Variants in LIN7A observed in about 807,000 individuals in gnomAD.
LIN7A encodes the protein protein lin-7 homolog A.
LIN7A carries 25 observed loss-of-function variants against 29.8 expected under a neutral mutation model. The ratio of observed to expected loss-of-function variants is 0.84; its 90% CI spans 0.61 to 1.17. The LOEUF (loss-of-function observed/expected upper bound fraction) is 1.17, where lower values mean the gene tolerates loss of function less well. Ranked by LOEUF, LIN7A falls within the 50% of genes most tolerant of loss-of-function variation. The pLI is 0.00. For synonymous variants in LIN7A, 118 were observed against 107.5 expected (o/e 1.10, Z -0.60); for missense variants, 239 against 287.0 (o/e 0.83, Z 1.21).
At chr12:80,878,585 A>G (rs1017397213) in intron 2 of LIN7A, among the ~76,000 whole-genome samples, 2 of 152,196 alleles carry the variant, frequency 1.3e-5, no homozygotes, top group African/African-American at 4.8e-5. Flanking sequence ...AGAAAGAACA[A>G]TACTTCCACA....
intron 2 of LIN7A, among the ~76,000 whole-genome samples, chr12:80,866,648 G>A (rs954949166): frequency 6.6e-6 from 1 of 152,260 alleles, no homozygotes; most frequent in South Asian, 2.1e-4. Flanking sequence ...TGAGAGCTGG[G>A]CATTGAGACT....
At chr12:80,837,658 C>G (rs967736203) in intron 4 of LIN7A, among the ~76,000 whole-genome samples, 7 of 152,094 alleles carry the variant, frequency 4.6e-5, no homozygotes, top group Non-Finnish European at 1.0e-4. Context: ...GTTTAAAAAC[C>G]ACCGTGTGTG....
At chr12:80,841,188 G>A (rs922728620) in intron 4 of LIN7A, among the ~76,000 whole-genome samples, 25 of 152,058 alleles carry the variant, frequency 1.6e-4, no homozygotes, top group Non-Finnish European at 3.5e-4. Flanking sequence ...AGGATGGAAT[G>A]AGCACAATAG....
chr12:80,889,496 T>C (rs1044683272), intron 1 of LIN7A, 127 bp from the exon 2 acceptor site: 3 of 627,984 alleles, frequency 4.8e-6, no homozygotes, highest in Non-Finnish European at 8.4e-6. Flanking sequence ...AATCAGAACT[T>C]ATATTCATAG....
rs551402608 is a variant in LIN7A, at chr12:80,884,235, G to A, written c.201+5016C>T. Among the ~76,000 whole-genome samples, 89 of 152,208 alleles carry A rather than the reference G, an allele frequency of 5.8e-4. 1 individual carries two copies. The highest frequency in any genetic ancestry group is 1.9e-3 in the African/African-American group (80 of 41,554). ...TAGTTTTAAAACATTTTGTTTTACAGCAATTAAAGGATTGATACTGCTTAT... is the reference window on the plus strand; with the variant it reads ...TAGTTTTAAAACATTTTGTTTTACAACAATTAAAGGATTGATACTGCTTAT... On this transcript the variant is annotated intron_variant, in intron 2 of 5. Transcript: ENST00000552864.
intron 2 of LIN7A, among the ~76,000 whole-genome samples, chr12:80,849,995 C>A (rs1180214276): frequency 6.6e-6 from 1 of 152,150 alleles, no homozygotes; most frequent in African/African-American, 2.4e-5. Context: ...TGAAGACAAT[C>A]ATTTAGCAAA....
intron 1 of LIN7A, among the ~76,000 whole-genome samples, chr12:80,890,913 A>G (rs1182806683): frequency 1.3e-5 from 2 of 152,126 alleles, no homozygotes; most frequent in Non-Finnish European, 2.9e-5. Flanking sequence ...AACAACAGAG[A>G]CAAAAATTCT....
chr12:80,859,333 T>C lies in LIN7A; in HGVS notation c.202-11011A>G, dbSNP rs187432695. Among the ~76,000 whole-genome samples, 222 of 152,260 alleles carry C rather than the reference T, an allele frequency of 1.5e-3. 1 individual carries two copies. The highest frequency in any genetic ancestry group is 3.1e-3 in the Admixed American group (48 of 15,282). ...CAGTTTGATGTCATGGTAAAAGATG[T>C]GGGTGGGTTAATAAGTTTGATTTCA... On this transcript the variant is annotated intron_variant, in intron 2 of 5. Transcript: ENST00000552864.
At chr12:80,851,145 G>A (rs1014507435) in intron 2 of LIN7A, among the ~76,000 whole-genome samples, 3 of 152,086 alleles carry the variant, frequency 2.0e-5, no homozygotes, top group Non-Finnish European at 2.9e-5. Context: ...ACAAAAACTT[G>A]CAGGTGTTAT....
chr12:80,871,290 G>A (rs1874415879), intron 2 of LIN7A, among the ~76,000 whole-genome samples: 2 of 152,128 alleles, frequency 1.3e-5, no homozygotes, highest in South Asian at 4.1e-4. Context: ...ATGTCCCTTG[G>A]AGTTAACACA....
At chr12:80,933,826 C>T (rs1397131190) in intron 1 of LIN7A, among the ~76,000 whole-genome samples, 1 of 152,050 alleles carries the variant, frequency 6.6e-6, no homozygotes, top group Non-Finnish European at 1.5e-5. Context: ...AAAACAGCAG[C>T]CCCCATTTAT....
intron 2 of LIN7A, among the ~76,000 whole-genome samples, chr12:80,872,646 T>C (rs1920991): frequency 0.38 from 57,123 of 152,136 alleles, 13,694 homozygotes; most frequent in African/African-American, 0.68. Context: ...ATATACTTGA[T>C]AAAATTCTTT....
At position 80,796,385 on chromosome 12, in the gene LIN7A, C is replaced by T. The variant is rs1870449567; in HGVS notation, c.*1342G>A. 6.6e-6 allele frequency: 1 copy of T among 152,110 alleles called. No homozygotes were observed. The highest frequency in any genetic ancestry group is 1.5e-5 in the Non-Finnish European group (1 of 68,014). The allele number at this position is 152,110 out of a possible 1,614,324, so 9.4% of individuals were successfully genotyped here. ...ATTTATTTCATAAAGTAAAATCAGA[C>T]TTAGGTGCCTAGATTTACCATAAAC... On this transcript the variant is annotated 3_prime_UTR_variant, in exon 6 of 6. Transcript: ENST00000552864.
At chr12:80,854,504 A>AAG (rs1222865400) in intron 2 of LIN7A, among the ~76,000 whole-genome samples, 2 of 151,516 alleles carry the variant, frequency 1.3e-5, no homozygotes, top group Non-Finnish European at 2.9e-5. Flanking sequence ...AAAAAAAAAA[A>AAG]AAAAGCCAGA....
At chr12:80,921,069 A>G (rs987837351) in intron 1 of LIN7A, among the ~76,000 whole-genome samples, 4 of 152,114 alleles carry the variant, frequency 2.6e-5, no homozygotes, top group East Asian at 1.9e-4. Context: ...CTAATCACCA[A>G]TGTGATGGTG....
At chr12:80,898,836 T>C (rs938511793) in intron 1 of LIN7A, among the ~76,000 whole-genome samples, 1 of 152,180 alleles carries the variant, frequency 6.6e-6, no homozygotes, top group Non-Finnish European at 1.5e-5. Flanking sequence ...ATTGTTTTTG[T>C]ATCCTGAAAT....
At chr12:80,882,728 A>G (rs1483675961) in intron 2 of LIN7A, among the ~76,000 whole-genome samples, 1 of 152,140 alleles carries the variant, frequency 6.6e-6, no homozygotes, top group African/African-American at 2.4e-5. Context: ...AATCCATCAA[A>G]ATTTTTACAA....
intron 1 of LIN7A, among the ~76,000 whole-genome samples, chr12:80,910,748 T>G (rs746392643): frequency 7.9e-5 from 12 of 152,220 alleles, no homozygotes; most frequent in Non-Finnish European, 2.9e-5. Context: ...TTTGTATGTG[T>G]ATCCTTTTTG....
intron 1 of LIN7A, among the ~76,000 whole-genome samples, chr12:80,926,679 C>CAA (rs1376770745): frequency 3.9e-5 from 6 of 152,028 alleles, no homozygotes; most frequent in African/African-American, 1.2e-4. Flanking sequence ...TTGACAATCC[C>CAA]AGCACTTTGG....
Sources: gnomAD v4.1 joint callset for allele counts (sites outside exome capture counted in the v4.1 genomes callset) on GRCh38, gnomAD v4.1.1 for gene constraint, MANE v1.5 for transcripts, NCBI Gene and HGNC (gene_info 2026-07-23, HGNC 2026-07-21) for gene names.